The following PHTF2 variants were observed in gnomAD, a reference collection of about 807,000 sequenced individuals.
PHTF2 encodes the protein protein PHTF2.
PHTF2 carries 60 observed loss-of-function variants against 101.2 expected under a neutral mutation model. The observed-to-expected ratio is 0.59, with a 90% CI of 0.48 to 0.73. The LOEUF is 0.73. PHTF2 is among the 30% of genes least tolerant of loss of function. PHTF2 has a pLI of 0.00. For missense variants in PHTF2, 747 were observed against 908.7 expected (o/e 0.82, Z 2.29); for synonymous variants, 311 against 307.3 (o/e 1.01, Z -0.13).
rs777285593 is a variant in PHTF2 at position 77,908,756 on chromosome 7, A to T, written c.446-37A>T. 15 of 1,369,898 alleles carry T rather than the reference A, an allele frequency of 1.1e-5. No individual in the cohort carries two copies. The East Asian group carries it at 3.2e-4, about 29-fold the overall frequency. 84.9% of individuals were successfully genotyped at this position (1,369,898 alleles called of 1,614,324 possible). On this transcript the variant is annotated intron_variant, in intron 7 of 19. Transcript: ENST00000416283. ...AAAGTTTTGAAGAGGTGACTATCAG[A>T]TCTATAATTAAGCATATTTTCTTTC... is the stretch of plus-strand genomic sequence containing the variant.
chr7:77,924,196 T>C, intron 11 of PHTF2: 1 of 877,028 alleles, frequency 1.1e-6, no homozygotes, highest in Non-Finnish European at 1.4e-6. Context: ...TTTGTAGTGC[T>C]CTTTTGCGTT....
chr7:77,851,599 AT>A (rs199811713), intron 2 of PHTF2, among the ~76,000 whole-genome samples: 3,853 of 128,176 alleles, frequency 0.03, 57 homozygotes, highest in Middle Eastern at 0.085. Context: ...TTCTGCTCTG[AT>A]TTTTTTTTTT....
chr7:77,871,615 A>C (rs1273609504), intron 3 of PHTF2, among the ~76,000 whole-genome samples: 1 of 152,216 alleles, frequency 6.6e-6, no homozygotes, highest in African/African-American at 2.4e-5. Flanking sequence ...TGGCTATTGG[A>C]GAAACAGTAC....
chr7:77,854,151 G>A (rs1420477781), intron 2 of PHTF2, among the ~76,000 whole-genome samples: 1 of 152,224 alleles, frequency 6.6e-6, no homozygotes, highest in Non-Finnish European at 1.5e-5. Context: ...CTGCAGCCAT[G>A]TCTGCATCAG....
chr7:77,869,202 A>T (rs1219007698), intron 3 of PHTF2, among the ~76,000 whole-genome samples: 1 of 152,196 alleles, frequency 6.6e-6, no homozygotes, highest in African/African-American at 2.4e-5. Flanking sequence ...ATATTTTGAT[A>T]CATACAATGG....
chr7:77,835,377 G>A (rs963420255), intron 1 of PHTF2, among the ~76,000 whole-genome samples: 3 of 152,052 alleles, frequency 2.0e-5, no homozygotes, highest in African/African-American at 7.2e-5. Context: ...GAATGGAATA[G>A]GAATAATAAT....
At chr7:77,827,247 T>C (rs1159569958) in intron 1 of PHTF2, among the ~76,000 whole-genome samples, 2 of 152,206 alleles carry the variant, frequency 1.3e-5, no homozygotes, top group Non-Finnish European at 2.9e-5. Context: ...GGAGGAACTT[T>C]TAAGACCTAA....
At chr7:77,957,174 G>T (rs188658508) in exon 20 of PHTF2, 2 of 151,946 alleles carry the variant, frequency 1.3e-5, no homozygotes, top group East Asian at 3.9e-4. Flanking sequence ...TGCCACATGT[G>T]TTGTATTTGA....
chr7:77,868,443 A>G (rs571717362), intron 3 of PHTF2, among the ~76,000 whole-genome samples: 6 of 145,508 alleles, frequency 4.1e-5, no homozygotes, highest in African/African-American at 1.5e-4. Context: ...TGCTGGGACT[A>G]CAGGCATGTG....
chr7:77,940,616 T>C, exon 15 of PHTF2: 1 of 1,606,844 alleles, frequency 6.2e-7, no homozygotes, highest in South Asian at 1.1e-5. Context: ...TTGAAGAAAG[T>C]ACAGAATATA....
intron 3 of PHTF2, among the ~76,000 whole-genome samples, chr7:77,891,258 A>G (rs925632443): frequency 5.3e-5 from 8 of 152,170 alleles, no homozygotes; most frequent in Non-Finnish European, 1.2e-4. Flanking sequence ...TTTTATTTGC[A>G]TTTAAGCCCA....
intron 1 of PHTF2, among the ~76,000 whole-genome samples, chr7:77,802,300 G>GA (rs1222369626): frequency 6.6e-6 from 1 of 152,202 alleles, no homozygotes; most frequent in Non-Finnish European, 1.5e-5. Context: ...TGCATACTTA[G>GA]ATACTAAAAT....
At chr7:77,863,279 T>C (rs944219081) in intron 3 of PHTF2, among the ~76,000 whole-genome samples, 4 of 152,206 alleles carry the variant, frequency 2.6e-5, no homozygotes, top group African/African-American at 9.6e-5. Context: ...AGTAGGATGG[T>C]ATATAAAGAG....
chr7:77,818,032 A>G (rs1793990096), intron 1 of PHTF2, among the ~76,000 whole-genome samples: 1 of 151,424 alleles, frequency 6.6e-6, no homozygotes, highest in African/African-American at 2.4e-5. Context: ...ATCTCTTCAA[A>G]CTGGAAGGTG....
chr7:77,815,112 AAAG>A, intron 1 of PHTF2, among the ~76,000 whole-genome samples: 1 of 152,156 alleles, frequency 6.6e-6, no homozygotes, highest in South Asian at 2.1e-4. Flanking sequence ...ATCCCAACAA[AAAG>A]AAAAAAAAAG....
At chr7:77,937,224 G>T (rs550510986) in intron 12 of PHTF2, among the ~76,000 whole-genome samples, 1 of 152,322 alleles carries the variant, frequency 6.6e-6, no homozygotes, top group South Asian at 2.1e-4. Context: ...CTTTCAAAGA[G>T]ATTCAAATCT....
chr7:77,906,458 C>A (rs1227850307), intron 7 of PHTF2: 1 of 152,044 alleles, frequency 6.6e-6, no homozygotes, highest in African/African-American at 2.4e-5. Flanking sequence ...AAAGTGGCTC[C>A]TCCTCCTTTT....
In PHTF2 at chr7:77,891,970, G is replaced by A. The variant is rs193069141; in HGVS notation, c.148-1638G>A. ...TTTACAGGACCAGAAGAATTAATAC[G>A]AGCAAGATAACGTATAAGAGAGAAT... On this transcript the variant is annotated intron_variant, in intron 3 of 19. Transcript: ENST00000416283. Among the ~76,000 whole-genome samples, 11 of 152,268 alleles carry A rather than the reference G, an allele frequency of 7.2e-5. No homozygotes were observed. In the East Asian group the frequency reaches 1.9e-3, roughly 27 times the overall value.
In PHTF2 at chr7:77,862,654, T is replaced by C. The variant is rs1797740036; in HGVS notation, c.147+7820T>C. Among the ~76,000 whole-genome samples the C allele has an allele frequency of 4.6e-5, 7 of 152,350 alleles. No individual in the cohort carries two copies. In the South Asian group the frequency reaches 1.4e-3, roughly 32 times the overall value. Reference sequence around the variant, plus strand: ...GGGTATTGGAAAGAAAAATATTTTATGACTTACTGGAAAACTAGCCTGGAA... The same window carrying C: ...GGGTATTGGAAAGAAAAATATTTTACGACTTACTGGAAAACTAGCCTGGAA... On this transcript the variant is annotated intron_variant, in intron 3 of 19. Transcript: ENST00000416283.
Sources: allele counts gnomAD v4.1 joint callset (sites outside exome capture counted in the v4.1 genomes callset), GRCh38; gene constraint gnomAD v4.1.1; transcripts MANE v1.5; gene names NCBI Gene and HGNC (gene_info 2026-07-23, HGNC 2026-07-21).